Variants in SNTG1 observed in about 807,000 individuals in gnomAD.
The protein encoded by SNTG1 is gamma-1-syntrophin.
Under a neutral mutation model 74.7 loss-of-function variants are expected in SNTG1, and 39 were observed. That is an observed-to-expected ratio of 0.52 (90% CI 0.40 to 0.68). The LOEUF is 0.68. SNTG1 is among the 30% of genes least tolerant of loss of function. The probability of loss-of-function intolerance (pLI) is 0.00; values close to 1 mark genes in which losing one functional copy is unlikely to be tolerated. For synonymous variants in SNTG1, 254 were observed against 217.1 expected, an observed-to-expected ratio of 1.17 and a Z score of -1.49; for missense variants, 685 against 609.5, an observed-to-expected ratio of 1.12 and a Z score of -1.30.
intron 8 of SNTG1, among the ~76,000 whole-genome samples, chr8:50,480,959 T>C (rs1389679340): frequency 6.6e-6 from 1 of 152,214 alleles, no homozygotes; most frequent in Non-Finnish European, 1.5e-5. Flanking sequence ...GAATATTCAG[T>C]GTACACATAG....
At chr8:50,768,311 C>T (rs2095618833) in intron 18 of SNTG1, among the ~76,000 whole-genome samples, 1 of 151,850 alleles carries the variant, frequency 6.6e-6, no homozygotes, top group South Asian at 2.1e-4. Context: ...AAAGCACCTA[C>T]CTTAAAGGGT....
chr8:50,011,989 C>T (rs951362999), intron 1 of SNTG1: 3 of 152,116 alleles, frequency 2.0e-5, no homozygotes, highest in African/African-American at 7.2e-5. Context: ...TCCCATGGCC[C>T]ACAAAACATT....
At chr8:50,289,645 T>G (rs1228284108) in intron 2 of SNTG1, among the ~76,000 whole-genome samples, 1 of 152,152 alleles carries the variant, frequency 6.6e-6, no homozygotes, top group African/African-American at 2.4e-5. Flanking sequence ...GACTGGAAAT[T>G]TTGTCTGTTT....
At chr8:50,478,520 T>C (rs953686905) in intron 8 of SNTG1, among the ~76,000 whole-genome samples, 19 of 152,206 alleles carry the variant, frequency 1.2e-4, no homozygotes, top group African/African-American at 4.3e-4. Flanking sequence ...TCCTAATCAC[T>C]AGTTTTTGTT....
At chr8:50,573,564 T>C (rs1306938035) in intron 12 of SNTG1, among the ~76,000 whole-genome samples, 1 of 151,920 alleles carries the variant, frequency 6.6e-6, no homozygotes, top group Non-Finnish European at 1.5e-5. Flanking sequence ...TTGAATGTTG[T>C]CCGTAATATC....
At chr8:49,957,277 AC>A (rs1490868328) in intron 1 of SNTG1, among the ~76,000 whole-genome samples, 1 of 152,248 alleles carries the variant, frequency 6.6e-6, no homozygotes, top group Non-Finnish European at 1.5e-5. Context: ...GGGAAGAGCA[AC>A]ATCAGCAAAA....
intron 18 of SNTG1, among the ~76,000 whole-genome samples, chr8:50,784,174 AC>A: frequency 6.6e-6 from 1 of 152,284 alleles, no homozygotes; most frequent in Admixed American, 6.5e-5. Flanking sequence ...TATCTCATTA[AC>A]ATTTACCTTT....
intron 2 of SNTG1, among the ~76,000 whole-genome samples, chr8:50,351,220 G>T (rs1336180643): frequency 6.6e-6 from 1 of 152,136 alleles, no homozygotes; most frequent in Non-Finnish European, 1.5e-5. Context: ...TAGAATTAGG[G>T]TGTTGGAGTT....
At chr8:50,781,347 T>C (rs914129815) in intron 18 of SNTG1, among the ~76,000 whole-genome samples, 15 of 152,082 alleles carry the variant, frequency 9.9e-5, no homozygotes, top group African/African-American at 3.4e-4. Context: ...CTAAGTCTCT[T>C]TGTAGGTCAC....
intron 1 of SNTG1, among the ~76,000 whole-genome samples, chr8:50,169,799 A>G (rs189425616): frequency 1.3e-5 from 2 of 152,160 alleles, no homozygotes; most frequent in Admixed American, 1.3e-4. Context: ...CTAGGAGCTG[A>G]GTGTAGTGGC....
chr8:50,515,392 T>G (rs910413123), intron 9 of SNTG1, among the ~76,000 whole-genome samples: 4 of 90,734 alleles, frequency 4.4e-5, no homozygotes, highest in Admixed American at 2.3e-4. Flanking sequence ...CAGGAGTTTT[T>G]TTTTTTTTTT....
intron 2 of SNTG1, among the ~76,000 whole-genome samples, chr8:50,292,841 G>A (rs10106724): frequency 1.3e-5 from 2 of 152,102 alleles, no homozygotes; most frequent in African/African-American, 4.8e-5. Flanking sequence ...AATAATGAAT[G>A]AGCTCTCTCT....
chr8:50,239,318 T>C (rs1439474070), intron 2 of SNTG1, among the ~76,000 whole-genome samples: 1 of 152,144 alleles, frequency 6.6e-6, no homozygotes, highest in Non-Finnish European at 1.5e-5. Flanking sequence ...ACTGGGTAAT[T>C]TATAAACAAA....
intron 12 of SNTG1, among the ~76,000 whole-genome samples, chr8:50,557,033 A>G (rs912982329): frequency 6.6e-6 from 1 of 152,110 alleles, no homozygotes; most frequent in Admixed American, 6.5e-5. Flanking sequence ...CACCACTCAG[A>G]CAGGCACAGG....
chr8:50,650,302 A>T (rs1367744907), intron 13 of SNTG1, among the ~76,000 whole-genome samples: 1 of 152,040 alleles, frequency 6.6e-6, no homozygotes, highest in Admixed American at 6.6e-5. Context: ...ATGCTTTTAA[A>T]TCTCAAGTTA....
At chr8:50,615,831 A>G (rs2094882096) in intron 13 of SNTG1, among the ~76,000 whole-genome samples, 1 of 152,240 alleles carries the variant, frequency 6.6e-6, no homozygotes, top group Non-Finnish European at 1.5e-5. Context: ...AAGATACAGG[A>G]AAGAGGCAAC....
chr8:50,753,017 C>T (rs892778093), intron 18 of SNTG1, among the ~76,000 whole-genome samples: 3 of 151,948 alleles, frequency 2.0e-5, no homozygotes, highest in Non-Finnish European at 4.4e-5. Flanking sequence ...GGAACTGTGT[C>T]GTTCCTACAG....
At chr8:50,561,457 A>G (rs756882993) in intron 12 of SNTG1, among the ~76,000 whole-genome samples, 20 of 152,220 alleles carry the variant, frequency 1.3e-4, no homozygotes, top group Non-Finnish European at 2.8e-4. Context: ...CAAACCATAA[A>G]AGAAAGGTTT....
chr8:49,997,704 C>T (rs1366113980), intron 1 of SNTG1, among the ~76,000 whole-genome samples: 1 of 152,074 alleles, frequency 6.6e-6, no homozygotes, highest in Non-Finnish European at 1.5e-5. Flanking sequence ...CCTGGTTTTC[C>T]TACAATCTCA....
Sources: gnomAD v4.1 joint callset for allele counts (sites outside exome capture counted in the v4.1 genomes callset) on GRCh38, gnomAD v4.1.1 for gene constraint, MANE v1.5 for transcripts, NCBI Gene and HGNC (gene_info 2026-07-23, HGNC 2026-07-21) for gene names.